The following ARPP21 variants were observed in gnomAD, a reference collection of about 807,000 sequenced individuals.
ARPP21 encodes the protein cAMP regulated phosphoprotein 21, also known as cAMP-regulated phosphoprotein 21.
In ARPP21, 69 loss-of-function variants were observed where a neutral mutation model predicts 113.2. The ratio of observed to expected loss-of-function variants is 0.61; its 90% CI spans 0.50 to 0.74. ARPP21 has a LOEUF of 0.74. ARPP21 is among the 30% of genes least tolerant of loss of function. The pLI is 0.00. For synonymous variants in ARPP21, 368 were observed against 375.5 expected, an observed-to-expected ratio of 0.98 and a Z score of 0.23; for missense variants, 1,070 against 1,037.4, an observed-to-expected ratio of 1.03 and a Z score of -0.43.
intron 12 of ARPP21, among the ~76,000 whole-genome samples, chr3:35,716,217 T>G (rs951816640): frequency 2.0e-5 from 3 of 152,120 alleles, no homozygotes; most frequent in Admixed American, 6.5e-5. Context: ...CCAAATTAAC[T>G]GCACTAATCA....
At chr3:35,658,852 G>A (rs1018345880) in intron 1 of ARPP21, among the ~76,000 whole-genome samples, 8 of 152,084 alleles carry the variant, frequency 5.3e-5, no homozygotes, top group African/African-American at 1.9e-4. Context: ...TGAGTAGTGA[G>A]AGATGGAGTG....
At chr3:35,744,367 T>A in intron 19 of ARPP21, 2 of 411,902 alleles carry the variant, frequency 4.9e-6, no homozygotes, top group Non-Finnish European at 9.4e-6. Flanking sequence ...TAAAAGATAC[T>A]GCCTTTAGAA....
chr3:35,732,632 A>T (rs754957662), intron 15 of ARPP21, among the ~76,000 whole-genome samples: 3 of 152,224 alleles, frequency 2.0e-5, no homozygotes, highest in Non-Finnish European at 4.4e-5. Context: ...GCAATCCAGA[A>T]ATGTCAACAG....
chr3:35,657,897 C>G (rs565427476), intron 1 of ARPP21, among the ~76,000 whole-genome samples: 3 of 152,120 alleles, frequency 2.0e-5, no homozygotes, highest in Non-Finnish European at 4.4e-5. Context: ...TGCATCCACT[C>G]TACAGTAACA....
At chr3:35,788,857 T>G (rs189667655) in intron 19 of ARPP21, among the ~76,000 whole-genome samples, 5 of 152,356 alleles carry the variant, frequency 3.3e-5, no homozygotes, top group Admixed American at 3.3e-4. Context: ...TATTCCATTT[T>G]CAGATTGATA....
At position 35,784,471 on chromosome 3, in the gene ARPP21, C is replaced by T. The variant is rs949066602; in HGVS notation, c.2138-7911C>T. Among the ~76,000 whole-genome samples, 9 of 152,204 alleles carry T rather than the reference C, an allele frequency of 5.9e-5. No individual in the cohort carries two copies. The East Asian group carries it at 1.2e-3, about 20-fold the overall frequency. ...AGCAGACTACTGATATTCATGATTA[C>T]AGTGCAGTCAGTTAATTCATGCTAT... On this transcript the variant is annotated intron_variant, in intron 19 of 20. Transcript: ENST00000684406.
intron 1 of ARPP21, among the ~76,000 whole-genome samples, chr3:35,671,435 T>C (rs971265931): frequency 6.6e-6 from 1 of 152,148 alleles, no homozygotes; most frequent in African/African-American, 2.4e-5. Flanking sequence ...CATTTTTTTC[T>C]AGCAAATATG....
intron 1 of ARPP21, among the ~76,000 whole-genome samples, chr3:35,672,642 A>C (rs1283911381): frequency 1.3e-5 from 2 of 152,076 alleles, no homozygotes; most frequent in African/African-American, 4.8e-5. Context: ...AGATACACAA[A>C]ATAGGCAAAA....
chr3:35,734,107 G>A (rs191565884), intron 15 of ARPP21, among the ~76,000 whole-genome samples: 1 of 152,246 alleles, frequency 6.6e-6, no homozygotes, highest in East Asian at 1.9e-4. Flanking sequence ...ATGTGTGTGT[G>A]GCTGTGTGTG....
intron 14 of ARPP21, among the ~76,000 whole-genome samples, chr3:35,725,248 G>C (rs757696857): frequency 8.5e-5 from 13 of 152,144 alleles, no homozygotes; most frequent in Non-Finnish European, 1.6e-4. Flanking sequence ...ATGATGATTA[G>C]ATTTCAAAGG....
At chr3:35,706,294 C>T (rs1048865953) in intron 9 of ARPP21, among the ~76,000 whole-genome samples, 3 of 152,148 alleles carry the variant, frequency 2.0e-5, no homozygotes, top group Admixed American at 6.5e-5. Flanking sequence ...ATTAAAAAGA[C>T]CTAAAAAAAA....
At chr3:35,751,042 T>G (rs966311235) in intron 19 of ARPP21, among the ~76,000 whole-genome samples, 1 of 152,242 alleles carries the variant, frequency 6.6e-6, no homozygotes, top group East Asian at 1.9e-4. Flanking sequence ...CAATCTGCCT[T>G]CCTAATAGAC....
chr3:35,785,866 C>G (rs1246937150), intron 19 of ARPP21, among the ~76,000 whole-genome samples: 2 of 152,086 alleles, frequency 1.3e-5, no homozygotes, highest in Admixed American at 6.5e-5. Context: ...TACCCCCATG[C>G]CCATGCACAC....
intron 1 of ARPP21, among the ~76,000 whole-genome samples, chr3:35,658,404 T>G (rs1559527440): frequency 1.3e-5 from 2 of 152,118 alleles, no homozygotes; most frequent in African/African-American, 4.8e-5. Flanking sequence ...CATGAAATAA[T>G]GTATGAAAAC....
chr3:35,778,971 C>T (rs2096457585), intron 19 of ARPP21, among the ~76,000 whole-genome samples: 1 of 152,182 alleles, frequency 6.6e-6, no homozygotes. Flanking sequence ...TGGTAATTAA[C>T]TACTAATATG....
At chr3:35,715,571 G>A (rs913505569) in intron 12 of ARPP21, 95 bp downstream of exon 12, 7 of 983,472 alleles carry the variant, frequency 7.1e-6, no homozygotes, top group Admixed American at 5.5e-5. Flanking sequence ...ATATGTGTGT[G>A]CTTGAATATA....
chr3:35,748,176 AAAG>A (rs1452357248), intron 19 of ARPP21, among the ~76,000 whole-genome samples: 25 of 60,074 alleles, frequency 4.2e-4, no homozygotes, highest in Middle Eastern at 4.9e-3. Context: ...ACAGAAAAGA[AAAG>A]AAAGAAAGAA....
intron 1 of ARPP21, among the ~76,000 whole-genome samples, chr3:35,668,044 G>A (rs1317077764): frequency 4.0e-5 from 6 of 149,820 alleles, no homozygotes; most frequent in Admixed American, 3.3e-4. Context: ...AGAAGAAGAA[G>A]AAAGAAGAAA....
At chr3:35,769,217 G>C (rs1289379875) in intron 19 of ARPP21, among the ~76,000 whole-genome samples, 3 of 152,162 alleles carry the variant, frequency 2.0e-5, no homozygotes, top group African/African-American at 7.2e-5. Context: ...AGCAGACACA[G>C]ATTATTCCAG....
Sources: gnomAD v4.1 joint callset for allele counts (sites outside exome capture counted in the v4.1 genomes callset) on GRCh38, gnomAD v4.1.1 for gene constraint, MANE v1.5 for transcripts, NCBI Gene and HGNC (gene_info 2026-07-23, HGNC 2026-07-21) for gene names.